The following SLC39A8 variants were observed in gnomAD, a reference collection of about 807,000 sequenced individuals.
SLC39A8 encodes solute carrier family 39 member 8, also known as metal cation symporter ZIP8.
Under a neutral mutation model 40.4 loss-of-function variants are expected in SLC39A8, and 15 were observed. The ratio of observed to expected loss-of-function variants is 0.37; its 90% CI spans 0.25 to 0.57. The LOEUF (loss-of-function observed/expected upper bound fraction) is 0.57, where lower values mean the gene tolerates loss of function less well. Ranked by LOEUF, SLC39A8 falls within the 20% of genes least tolerant of loss-of-function variation. The pLI, the probability that SLC39A8 is intolerant of heterozygous loss-of-function variation, is 0.75. For synonymous variants in SLC39A8, 223 were observed against 221.6 expected (o/e 1.01, Z -0.06); for missense variants, 472 against 558.8 (o/e 0.84, Z 1.57).
rs559839966 is a variant in SLC39A8 at position 102,266,105 on chromosome 4, T to A, written c.1233+1385A>T. On this transcript the variant is annotated intron_variant, in intron 8 of 8. Coordinates refer to ENST00000356736, the MANE Select transcript of SLC39A8 (RefSeq NM_001135146.2). ...TCATAGCATTTTTTATTATTTGTAA[T>A]TATTTAGTCATCTGTGTGATTTTTT... Among the ~76,000 whole-genome samples the A allele has an allele frequency of 3.9e-5, 6 of 152,344 alleles. No homozygotes were observed. In the East Asian group the frequency reaches 5.8e-4, roughly 15 times the overall value.
chr4:102,317,153 G>A (rs1353636642), intron 2 of SLC39A8, among the ~76,000 whole-genome samples: 3 of 152,114 alleles, frequency 2.0e-5, no homozygotes, highest in Non-Finnish European at 1.5e-5. Context: ...GATGTTAATT[G>A]TTTGACCATA....
At chr4:102,307,001 A>G (rs960032710) in intron 4 of SLC39A8, among the ~76,000 whole-genome samples, 5 of 152,106 alleles carry the variant, frequency 3.3e-5, no homozygotes, top group Non-Finnish European at 7.4e-5. Context: ...TTATAACTGT[A>G]GTAAATATAT....
chr4:102,312,938 T>A (rs1406640270), intron 3 of SLC39A8, among the ~76,000 whole-genome samples: 2 of 152,128 alleles, frequency 1.3e-5, no homozygotes, highest in East Asian at 3.9e-4. Flanking sequence ...AAGGGTAGTA[T>A]CCTAAAGCGT....
In SLC39A8 at chr4:102,279,181, G is replaced by A. The variant is rs536402751; in HGVS notation, c.841-11102C>T. Among the ~76,000 whole-genome samples, 465 of 151,630 alleles carry A rather than the reference G, an allele frequency of 3.1e-3. 2 individuals are homozygous for A. Among genetic ancestry groups the A allele is most frequent in the Non-Finnish European group, 4.3e-3 (290 of 67,854 alleles). On this transcript the variant is annotated intron_variant, in intron 6 of 8. Coordinates refer to ENST00000356736, the MANE Select transcript of SLC39A8 (RefSeq NM_001135146.2). Reference sequence around the variant, plus strand: ...AAAAGAATTCTTGCCTCCTGTCCCCGAAACCTTGGACTTGATGAGTTTGAT... The same window carrying A: ...AAAAGAATTCTTGCCTCCTGTCCCCAAAACCTTGGACTTGATGAGTTTGAT...
chr4:102,267,604 T>G lies in SLC39A8; in HGVS notation c.1119A>C (p.Ala373=). 6.2e-7 allele frequency: 1 copy of G among 1,613,908 alleles called. No homozygotes were observed. The highest frequency in any genetic ancestry group is 8.5e-7 in the Non-Finnish European group (1 of 1,179,972). ...RQALLFNFLS[A]CSCYVGLAFG... is the part of the protein sequence containing the mutation. ...AAGCTAGCCCAACATAGCAGGAACATGCAGAAAGGAAGTTGAATAGCAAGG... is the reference window on the plus strand; with the variant it reads ...AAGCTAGCCCAACATAGCAGGAACAGGCAGAAAGGAAGTTGAATAGCAAGG... The change falls in exon 8 of 9, where the codon GCA becomes GCC. Residue 373 remains alanine, a synonymous_variant. Transcript: ENST00000356736.
chr4:102,339,516 T>C (rs193236745), intron 2 of SLC39A8, among the ~76,000 whole-genome samples: 161 of 152,292 alleles, frequency 1.1e-3, no homozygotes, highest in Non-Finnish European at 2.2e-3. Context: ...ACCACTAGCC[T>C]GGCCATCCAT....
At chr4:102,330,848 T>C (rs1235403269) in intron 2 of SLC39A8, among the ~76,000 whole-genome samples, 1 of 152,228 alleles carries the variant, frequency 6.6e-6, no homozygotes. Flanking sequence ...GTTTCATCCC[T>C]GGAATGCAGT....
In SLC39A8 at chr4:102,322,824, C is replaced by T. The variant is rs186436332; in HGVS notation, c.220-6994G>A. ...CTGTGGAGGTAAAGGCAGGGAGACA[C>T]AGATTTTTGTAATGCATTTAGACTC... On this transcript the variant is annotated intron_variant, in intron 2 of 8. Coordinates refer to ENST00000356736, the MANE Select transcript of SLC39A8 (RefSeq NM_001135146.2). Among the ~76,000 whole-genome samples the T allele has an allele frequency of 1.6e-3, 244 of 152,252 alleles. 1 individual carries two copies. The highest frequency in any genetic ancestry group is 5.8e-3 in the African/African-American group (241 of 41,548).
intron 11 of SLC39A8, among the ~76,000 whole-genome samples, chr4:102,255,132 G>C (rs910269178): frequency 6.6e-6 from 1 of 152,172 alleles, no homozygotes; most frequent in African/African-American, 2.4e-5. Context: ...GTTGACTCCT[G>C]ACATTGATAG....
At chr4:102,255,632 T>C (rs1731690992) in intron 11 of SLC39A8, among the ~76,000 whole-genome samples, 1 of 152,190 alleles carries the variant, frequency 6.6e-6, no homozygotes, top group Admixed American at 6.5e-5. Flanking sequence ...TTAAGTGCAT[T>C]GGTTGACAAT....
chr4:102,338,578 G>A (rs1735780679), intron 2 of SLC39A8, among the ~76,000 whole-genome samples: 1 of 152,142 alleles, frequency 6.6e-6, no homozygotes, highest in Non-Finnish European at 1.5e-5. Flanking sequence ...TCCTTAATGT[G>A]ACTAAGCAAT....
intron 2 of SLC39A8, 69 bp from the exon 3 acceptor site, chr4:102,315,899 A>C (rs920183308): frequency 7.4e-7 from 1 of 1,345,900 alleles, no homozygotes; most frequent in African/African-American, 1.5e-5. Flanking sequence ...AGATGCTATA[A>C]AGAGACACAG....
intron 6 of SLC39A8, among the ~76,000 whole-genome samples, chr4:102,292,693 T>C (rs189235950): frequency 9.0e-4 from 137 of 152,174 alleles, no homozygotes; most frequent in Non-Finnish European, 1.6e-3. Context: ...GAGGACTTTG[T>C]GGCTTTGCAT....
Position 102,307,372 on chromosome 4 carries a change from T to C in SLC39A8, c.552+64A>G. ...GTAAGAATTATGGAGGCTAAAAACA[T>C]ACAAAGTGCTAAAACGTTCAAAAGA... On this transcript the variant is annotated intron_variant, in intron 4 of 8. Transcript: ENST00000356736. 4 of 1,568,742 alleles carry C rather than the reference T, an allele frequency of 2.5e-6. No individual in the cohort carries two copies. The South Asian group carries it at 3.5e-5, about 14-fold the overall frequency.
At chr4:102,312,153 A>C (rs1416420332) in intron 3 of SLC39A8, among the ~76,000 whole-genome samples, 1 of 152,084 alleles carries the variant, frequency 6.6e-6, no homozygotes, top group African/African-American at 2.4e-5. Flanking sequence ...CTAAAATAAA[A>C]CAATCAAGAT....
At chr4:102,310,309 C>T (rs1201281767) in intron 3 of SLC39A8, among the ~76,000 whole-genome samples, 3 of 152,090 alleles carry the variant, frequency 2.0e-5, no homozygotes, top group African/African-American at 7.2e-5. Flanking sequence ...ATTCCCATTA[C>T]TCTTTGTTCA....
chr4:102,332,881 C>A (rs1735523156), intron 2 of SLC39A8, among the ~76,000 whole-genome samples: 1 of 152,156 alleles, frequency 6.6e-6, no homozygotes, highest in African/African-American at 2.4e-5. Flanking sequence ...ATGGATGAAG[C>A]TGGAAACCAT....
At chr4:102,273,916 A>G (rs933719477) in intron 6 of SLC39A8, among the ~76,000 whole-genome samples, 3 of 152,220 alleles carry the variant, frequency 2.0e-5, no homozygotes, top group South Asian at 2.1e-4. Context: ...CAACAAAAAG[A>G]ACGGCCACTC....
chr4:102,320,003 C>T (rs2149043592), intron 2 of SLC39A8, among the ~76,000 whole-genome samples: 1 of 151,312 alleles, frequency 6.6e-6, no homozygotes, highest in African/African-American at 2.4e-5. Flanking sequence ...TCAACCCTCC[C>T]TCTAGAGTTT....
Sources: gnomAD v4.1 joint callset for allele counts (sites outside exome capture counted in the v4.1 genomes callset) on GRCh38, gnomAD v4.1.1 for gene constraint, MANE v1.5 for transcripts, NCBI Gene and HGNC (gene_info 2026-07-23, HGNC 2026-07-21) for gene names.